PAIP1: variants seen among roughly 807,000 people sequenced by gnomAD.
PAIP1 encodes the protein polyadenylate-binding protein-interacting protein 1.
Under a neutral mutation model 61.3 loss-of-function variants are expected in PAIP1, and 16 were observed. The ratio of observed to expected loss-of-function variants is 0.26; its 90% confidence interval spans 0.18 to 0.40. PAIP1 has a LOEUF of 0.40. Among genes scored for constraint, PAIP1 ranks in the 10% least tolerant of loss-of-function variants. The pLI is 1.00. For missense variants in PAIP1, 416 were observed against 600.9 expected, an observed-to-expected ratio of 0.69 and a Z score of 3.22; for synonymous variants, 187 against 226.2, an observed-to-expected ratio of 0.83 and a Z score of 1.56.
intron 3 of PAIP1, among the ~76,000 whole-genome samples, chr5:43,547,481 C>T (rs1316543195): frequency 6.6e-6 from 1 of 152,150 alleles, no homozygotes; most frequent in Non-Finnish European, 1.5e-5. Flanking sequence ...AGAGCTTTGG[C>T]TAAACAGGTG....
In PAIP1 at chr5:43,555,928, TTGCTGACTCCGAGTTC is replaced by T; in HGVS notation, c.321_336del (p.Asn108TrpfsTer8). ...GCTACAACCACCTGGGGCTTAGCCA[TTGCTGACTCCGAGTTC>T]TGCTGTGGGATTTTATCCTGTGAAC... On this transcript the variant is annotated frameshift_variant, in exon 2 of 11. Transcript: ENST00000306846. LOFTEE classifies it high-confidence loss of function. The T allele has an allele frequency of 6.2e-7, 1 of 1,614,028 alleles. No individual in the cohort carries two copies. The highest frequency in any genetic ancestry group is 8.5e-7 in the Non-Finnish European group (1 of 1,179,894).
chr5:43,553,239 C>T (rs1037548843), intron 2 of PAIP1, among the ~76,000 whole-genome samples: 9 of 152,036 alleles, frequency 5.9e-5, no homozygotes, highest in African/African-American at 2.2e-4. Flanking sequence ...GGTAAGAAGA[C>T]ATGGAAAGTA....
chr5:43,534,511 T>G (rs1297208166), intron 8 of PAIP1, among the ~76,000 whole-genome samples: 1 of 152,188 alleles, frequency 6.6e-6, no homozygotes, highest in East Asian at 1.9e-4. Flanking sequence ...CCAATTTTAT[T>G]TTATTTTTCG....
chr5:43,528,761 G>A (rs1746809026), intron 10 of PAIP1, among the ~76,000 whole-genome samples: 1 of 151,754 alleles, frequency 6.6e-6, no homozygotes, highest in African/African-American at 2.4e-5. Flanking sequence ...ATAAGTTCAA[G>A]ATATAATTTA....
At position 43,546,282 on chromosome 5, in the gene PAIP1, T is replaced by TA. The variant is rs1204406838; in HGVS notation, c.621+1445dup. ...TACTGACCCTTTGTCCAGCCCTGAA[T>TA]AAGTATAATTACGCAGCCTACTGAA... On this transcript the variant is annotated intron_variant, in intron 3 of 10. Transcript: ENST00000306846. 2.6e-5 allele frequency among the ~76,000 whole-genome samples: 4 copies of TA among 152,382 alleles called. No individual in the cohort carries two copies. The East Asian group carries it at 7.7e-4, about 29-fold the overall frequency.
At chr5:43,547,618 T>C (rs1747691792) in intron 3 of PAIP1, 110 bp downstream of exon 3, 2 of 673,558 alleles carry the variant, frequency 3.0e-6, no homozygotes, top group South Asian at 4.3e-5. Context: ...CTATAAAGAG[T>C]AAGTGTGGAG....
intron 4 of PAIP1, among the ~76,000 whole-genome samples, chr5:43,539,802 C>T (rs1747324037): frequency 6.6e-6 from 1 of 152,106 alleles, no homozygotes; most frequent in Non-Finnish European, 1.5e-5. Flanking sequence ...CCTGTCACTG[C>T]CTTCATAAGT....
chr5:43,555,984 A>G lies in PAIP1; in HGVS notation c.281T>C (p.Leu94Pro), dbSNP rs764160098. 14 of 1,612,658 alleles carry G rather than the reference A, an allele frequency of 8.7e-6. 1 individual carries two copies. The South Asian group carries it at 1.5e-4, about 18-fold the overall frequency. ...ATCCTGTGAACTAGGTGGAGCTCTC[A>G]GGGGCCTCGTTTGCTCTGCAAAAGA... ...PGALPEQTRP[L>P]RAPPSSQDKI... Residue 94 changes from leucine (L) to proline (P), a missense_variant, in exon 2 of 11, where the codon CTG (leucine) becomes CCG (proline). This residue lies in a region of PAIP1 where 180 missense variants were observed against 211.2 expected (regional missense o/e 0.85). Coordinates refer to ENST00000306846, the MANE Select transcript of PAIP1 (RefSeq NM_006451.5).
chr5:43,547,608 C>G (rs1361927705), intron 3 of PAIP1, 120 bp downstream of exon 3: 5 of 653,878 alleles, frequency 7.6e-6, no homozygotes, highest in Non-Finnish European at 1.3e-5. Context: ...CTCCCGGAAA[C>G]TATAAAGAGT....
intron 9 of PAIP1, among the ~76,000 whole-genome samples, chr5:43,531,656 C>CAAAAAAAAAAAAAAAAAAAAGA: frequency 1.7e-5 from 1 of 59,868 alleles, no homozygotes; most frequent in Non-Finnish European, 3.4e-5. Flanking sequence ...GACTCTGTCT[C>CAAAAAAAAAAAAAAAAAAAAGA]AAAAAAAAAA....
At chr5:43,539,669 T>G (rs1328959126) in intron 4 of PAIP1, among the ~76,000 whole-genome samples, 11 of 152,188 alleles carry the variant, frequency 7.2e-5, no homozygotes, top group Admixed American at 2.6e-4. Context: ...TGATTTTTCC[T>G]TGCTCTCTTT....
chr5:43,535,193 T>G (rs1322527199), intron 7 of PAIP1, among the ~76,000 whole-genome samples: 1 of 152,236 alleles, frequency 6.6e-6, no homozygotes, highest in Non-Finnish European at 1.5e-5. Flanking sequence ...GCAGTGGCTA[T>G]CCTTCAAACA....
chr5:43,547,069 A>AAAAAAAAAAAAAAC (rs1747666773), intron 3 of PAIP1, among the ~76,000 whole-genome samples: 1 of 149,054 alleles, frequency 6.7e-6, no homozygotes, highest in African/African-American at 2.5e-5. Flanking sequence ...AAAAAAAAAA[A>AAAAAAAAAAAAAAC]GCGTTAATAT....
chr5:43,553,389 A>G (rs1386945586), intron 2 of PAIP1, among the ~76,000 whole-genome samples: 1 of 152,208 alleles, frequency 6.6e-6, no homozygotes. Context: ...TCATGTGTAG[A>G]ACAAAAGCAG....
rs770481346 is a variant in PAIP1, at chr5:43,543,057, A to T, written c.681T>A (p.His227Gln). ...CACTCTGTGGGCTAATTGTCAGATG[A>T]TGGGACAGGTAATTACACAGGCGAG... ...MGARLCNYLS[H>Q]HLTISPQSGN... Residue 227 changes from histidine to glutamine, a missense_variant, in exon 4 of 11, where the codon CAT becomes CAA. By Grantham distance (24) the His-to-Gln change is conservative. Transcript: ENST00000306846. 1 of 1,611,072 alleles carries T rather than the reference A, an allele frequency of 6.2e-7. No homozygotes were observed. Among genetic ancestry groups the T allele is most frequent in the Non-Finnish European group, 8.5e-7 (1 of 1,177,394 alleles).
intron 2 of PAIP1, among the ~76,000 whole-genome samples, chr5:43,551,889 T>C (rs993943099): frequency 6.6e-6 from 1 of 151,884 alleles, no homozygotes; most frequent in Non-Finnish European, 1.5e-5. Context: ...AAAGGAGGCA[T>C]AGAGTATTTG....
intron 2 of PAIP1, among the ~76,000 whole-genome samples, chr5:43,552,725 T>A (rs1747911600): frequency 6.6e-6 from 1 of 152,144 alleles, no homozygotes; most frequent in South Asian, 2.1e-4. Context: ...ACAAAACTAG[T>A]ACCTCAAATA....
In PAIP1 at chr5:43,527,173, T is replaced by TTA. The variant is rs749963449; in HGVS notation, c.*201_*202dup. 5.7e-4 allele frequency: 195 copies of TTA among 342,280 alleles called. 1 individual carries two copies. Among genetic ancestry groups the TTA allele is most frequent in the African/African-American group, 2.3e-3 (107 of 47,086 alleles). 21.2% of individuals were successfully genotyped at this position (342,280 alleles called of 1,614,324 possible). Reference sequence around the variant, plus strand: ...AGAATTAACTGTACATAATAAACTATTATATATATATACACATTTTAAGTT... The same window carrying TTA: ...AGAATTAACTGTACATAATAAACTATTATATATATATATACACATTTTAAGTT... On this transcript the variant is annotated 3_prime_UTR_variant, in exon 11 of 11. Transcript: ENST00000306846.
intron 6 of PAIP1, 46 bp from the exon 7 acceptor site, chr5:43,535,686 A>T (rs781125142): frequency 9.6e-7 from 1 of 1,041,220 alleles, no homozygotes; most frequent in South Asian, 1.3e-5. Context: ...ATAGTGTATT[A>T]TAGAAATTCT....
Sources: gnomAD v4.1 joint callset for allele counts (sites outside exome capture counted in the v4.1 genomes callset) on GRCh38, gnomAD v4.1.1 for gene constraint, gnomAD v4.1.1 regional missense constraint, MANE v1.5 for transcripts, NCBI Gene and HGNC (gene_info 2026-07-23, HGNC 2026-07-21) for gene names.